The following GGCX variants were observed in gnomAD, a reference collection of about 807,000 sequenced individuals.
GGCX encodes the protein gamma-glutamyl carboxylase.
In GGCX, 63 loss-of-function variants were observed where a neutral mutation model predicts 88.5. The observed-to-expected ratio is 0.71, with a 90% CI of 0.58 to 0.88. The LOEUF (loss-of-function observed/expected upper bound fraction) is 0.88, where lower values mean the gene tolerates loss of function less well. GGCX is among the 40% of genes least tolerant of loss of function. The probability of loss-of-function intolerance (pLI) is 0.00; values close to 1 mark genes in which losing one functional copy is unlikely to be tolerated. For synonymous variants in GGCX, 368 were observed against 365.8 expected (o/e 1.01, Z -0.07); for missense variants, 805 against 932.9 (o/e 0.86, Z 1.79).
Position 85,549,843 on chromosome 2 carries a change from C to G in GGCX, c.*91G>C. On this transcript the variant is annotated 3_prime_UTR_variant, in exon 15 of 15. Transcript: ENST00000233838. Reference sequence around the variant, plus strand: ...CGCCCCCCCAAAAAAAAAAAAAAAACTTTTGAGAATTTTTTTCAAATAAAT... The same window carrying G: ...CGCCCCCCCAAAAAAAAAAAAAAAAGTTTTGAGAATTTTTTTCAAATAAAT... 14 of 371,524 alleles carry G rather than the reference C, an allele frequency of 3.8e-5. No homozygotes were observed. Among genetic ancestry groups the G allele is most frequent in the East Asian group, 7.9e-5 (1 of 12,646 alleles). 23.0% of individuals were successfully genotyped at this position (371,524 alleles called of 1,614,324 possible). A position where few individuals can be genotyped will look rare whatever the true frequency, so the allele number is the denominator to read the frequency against.
At position 85,545,987 on chromosome 2, in the gene GGCX, C is replaced by T. The variant is rs1691643587; in HGVS notation, c.*3947G>A. The T allele has an allele frequency of 6.6e-6, 1 of 152,196 alleles. No individual in the cohort carries two copies. The highest frequency in any genetic ancestry group is 1.5e-5 in the Non-Finnish European group (1 of 68,030). 9.4% of individuals were successfully genotyped at this position (152,196 alleles called of 1,614,324 possible). Reference sequence around the variant, plus strand: ...TCCGCAGACCACACTGCTCTTGAACCTAGGAGCTACATGCATAGAGAATAG... The same window carrying T: ...TCCGCAGACCACACTGCTCTTGAACTTAGGAGCTACATGCATAGAGAATAG... On this transcript the variant is annotated 3_prime_UTR_variant, in exon 15 of 15. Coordinates refer to ENST00000233838, the MANE Select transcript of GGCX (RefSeq NM_000821.7).
chr2:85,550,089 A>T lies in GGCX; in HGVS notation c.2122T>A (p.Leu708Ile), dbSNP rs754013695. ...AGCTGCTCCAGGGAAGGACGGCCTA[A>T]TATCAGATTTCGAAGTGAGATACAA... ...MTCISLRNLI[L>I]GRPSLEQLAQ... Residue 708 changes from leucine to isoleucine, a missense_variant, in exon 15 of 15, where the codon TTA (leucine) becomes ATA (isoleucine). By Grantham distance (5) the Leu-to-Ile change is conservative (BLOSUM62 2). This residue lies in a region of GGCX where 680 missense variants were observed against 763.7 expected (regional missense o/e 0.89). Coordinates refer to ENST00000233838, the MANE Select transcript of GGCX (RefSeq NM_000821.7). The T allele has an allele frequency of 6.2e-7, 1 of 1,613,920 alleles. No homozygotes were observed. Among genetic ancestry groups the T allele is most frequent in the Admixed American group, 1.7e-5 (1 of 60,014 alleles).
chr2:85,548,696 A>G lies in GGCX; in HGVS notation c.*1238T>C, dbSNP rs945145907. Reference sequence around the variant, plus strand: ...GCTCCCAAAGCAGGGATCCTTTTTCATAACCCTGCATTCTCGCTTCCTAGC... The same window carrying G: ...GCTCCCAAAGCAGGGATCCTTTTTCGTAACCCTGCATTCTCGCTTCCTAGC... On this transcript the variant is annotated 3_prime_UTR_variant, in exon 15 of 15. Transcript: ENST00000233838. 6.6e-6 allele frequency: 1 copy of G among 152,202 alleles called. No individual in the cohort carries two copies. Among genetic ancestry groups the G allele is most frequent in the African/African-American group, 2.4e-5 (1 of 41,454 alleles). The allele number at this position is 152,202 out of a possible 1,614,324, so 9.4% of individuals were successfully genotyped here.
intron 6 of GGCX, 27 bp from the exon 7 acceptor site, chr2:85,554,333 C>A: frequency 6.2e-7 from 1 of 1,610,078 alleles, no homozygotes; most frequent in Non-Finnish European, 8.5e-7. Context: ...AAAGTTCAAG[C>A]ACCAGCCCAC....
intron 10 of GGCX, 49 bp from the exon 11 acceptor site, chr2:85,552,030 C>T: frequency 7.4e-7 from 1 of 1,356,320 alleles, no homozygotes; most frequent in Non-Finnish European, 1.1e-6. Context: ...ACCCACCCAC[C>T]AGAACTTCCA....
At chr2:85,552,911 A>T in intron 9 of GGCX, 28 bp downstream of exon 9, 1 of 1,613,616 alleles carries the variant, frequency 6.2e-7, no homozygotes, top group East Asian at 2.2e-5. Context: ...TCTGAAGAAC[A>T]GTAAATTGTC....
At position 85,551,471 on chromosome 2, in the gene GGCX, G is replaced by A; in HGVS notation, c.1740+9C>T. On this transcript the variant is annotated intron_variant, in intron 12 of 14. Transcript: ENST00000233838. ...GTTCTTTCTGCTGTTGTTAATCCCA[G>A]CAAAATACCTGCATTTTTTCTCCCT... 1 of 1,613,764 alleles carries A rather than the reference G, an allele frequency of 6.2e-7. No individual in the cohort carries two copies. Among genetic ancestry groups the A allele is most frequent in the East Asian group, 2.2e-5 (1 of 44,884 alleles).
At position 85,553,393 on chromosome 2, in the gene GGCX, G is replaced by T. The variant is rs750270424; in HGVS notation, c.994C>A (p.Pro332Thr). Reference protein sequence around the residue: ...YCPRRLQQLLPLKAAPQPSVS... With the variant: ...YCPRRLQQLLTLKAAPQPSVS... The stretch of plus-strand genomic sequence containing the variant: ...CTGGGCTGAGGGGCTGCCTTGAGGG[G>T]CAACAGTTGTTGCAACCTTCGGGGG... Residue 332 changes from proline to threonine, a missense_variant, in exon 8 of 15, where the codon CCC (proline) becomes ACC (threonine). Physicochemically the swap from Pro to Thr is conservative, Grantham distance 38. This residue lies in a region of GGCX where 680 missense variants were observed against 763.7 expected (regional missense o/e 0.89). Transcript: ENST00000233838. The T allele has an allele frequency of 1.2e-5, 20 of 1,614,078 alleles. No homozygotes were observed. The East Asian group carries it at 4.5e-4, about 36-fold the overall frequency.
rs1392410946 is a variant in GGCX at position 85,553,385 on chromosome 2, C to T, written c.1002G>A (p.Lys334=). 13 of 1,614,200 alleles carry T rather than the reference C, an allele frequency of 8.1e-6. No homozygotes were observed. Among genetic ancestry groups the T allele is most frequent in the Non-Finnish European group, 1.0e-5 (12 of 1,180,022 alleles). Residue 334 remains lysine, a synonymous_variant, in exon 8 of 15, where the codon AAG becomes AAA. Transcript: ENST00000233838. ...AGGAAACACTGGGCTGAGGGGCTGCCTTGAGGGGCAACAGTTGTTGCAACC... is the reference window on the plus strand; with the variant it reads ...AGGAAACACTGGGCTGAGGGGCTGCTTTGAGGGGCAACAGTTGTTGCAACC... ...PRRLQQLLPL[K]AAPQPSVSCV...
rs1011392534 is a variant in GGCX, at chr2:85,559,096, T to C, written c.215-21A>G. ...GAACCCTAAGAAGGCAATAGGGGAG[T>C]TGGTCATTGGGCCTCAGCTAAGGAA... is the stretch of plus-strand genomic sequence containing the variant. On this transcript the variant is annotated intron_variant, in intron 2 of 14. Transcript: ENST00000233838. 5.0e-6 allele frequency: 8 copies of C among 1,610,410 alleles called. No individual in the cohort carries two copies. The Admixed American group carries it at 6.7e-5, about 13-fold the overall frequency.
Position 85,548,549 on chromosome 2 carries a change from G to A in GGCX, c.*1385C>T, listed in dbSNP as rs1295132635. The A allele has an allele frequency of 1.3e-5, 2 of 152,156 alleles. No individual in the cohort carries two copies. Among genetic ancestry groups the A allele is most frequent in the Non-Finnish European group, 2.9e-5 (2 of 68,040 alleles). 9.4% of individuals were successfully genotyped at this position (152,156 alleles called of 1,614,324 possible). ...AGCAGTTGCTTAGGAAAGAACCCCC[G>A]GAACACTGTCCAAGGAGGAGTGGGG... On this transcript the variant is annotated 3_prime_UTR_variant, in exon 15 of 15. Transcript: ENST00000233838.
intron 6 of GGCX, chr2:85,555,050 G>T (rs1443602067): frequency 5.9e-6 from 1 of 169,130 alleles, no homozygotes; most frequent in Non-Finnish European, 1.3e-5. Flanking sequence ...AAATCAGAAA[G>T]GTGACCCTTT....
rs1691778619 is a variant in GGCX, at chr2:85,548,511, T to C, written c.*1423A>G. ...GGAGTAGACACAATCATCTGAAGTA[T>C]GTATACTGAAAAAGCAGTTGCTTAG... On this transcript the variant is annotated 3_prime_UTR_variant, in exon 15 of 15. Transcript: ENST00000233838. The C allele has an allele frequency of 6.6e-6, 1 of 152,144 alleles. No homozygotes were observed. The highest frequency in any genetic ancestry group is 1.5e-5 in the Non-Finnish European group (1 of 68,034). The allele number at this position is 152,144 out of a possible 1,614,324, so 9.4% of individuals were successfully genotyped here. A position where few individuals can be genotyped will look rare whatever the true frequency, so the allele number is the denominator to read the frequency against.
At chr2:85,551,136 T>G (rs1425216232) in intron 12 of GGCX, 64 bp from the exon 13 acceptor site, 1 of 1,445,478 alleles carries the variant, frequency 6.9e-7, no homozygotes, top group Non-Finnish European at 9.7e-7. Context: ...ATGGCCTCCC[T>G]ACTCTATGAC....
At chr2:85,555,146 T>C in intron 6 of GGCX, 1 of 282,932 alleles carries the variant, frequency 3.5e-6, no homozygotes, top group South Asian at 3.9e-5. Context: ...AGGGCTCTGA[T>C]GGGAGGCTAG....
intron 10 of GGCX, 60 bp from the exon 11 acceptor site, chr2:85,552,041 G>T: frequency 8.0e-7 from 1 of 1,252,838 alleles, no homozygotes; most frequent in Non-Finnish European, 1.2e-6. Flanking sequence ...AGAACTTCCA[G>T]TTCTCTCCCT....
At chr2:85,552,698 G>A in intron 9 of GGCX, 131 bp from the exon 10 acceptor site, 1 of 1,056,756 alleles carries the variant, frequency 9.5e-7, no homozygotes. Context: ...ACTTGCCTTT[G>A]GGAATGAATT....
rs1351753980 is a variant in GGCX, at chr2:85,546,206, T to TGG, written c.*3726_*3727dup. The TGG allele has an allele frequency of 2.0e-5, 3 of 152,236 alleles. No individual in the cohort carries two copies. Among genetic ancestry groups the TGG allele is most frequent in the Non-Finnish European group, 2.9e-5 (2 of 68,076 alleles). The allele number at this position is 152,236 out of a possible 1,614,324, so 9.4% of individuals were successfully genotyped here. A position where few individuals can be genotyped will look rare whatever the true frequency, so the allele number is the denominator to read the frequency against. ...GCGTGAGCCTATAATCCTAGCACTT[T>TGG]GGGAGGCCAAGGCATGCAGATCACG... is the stretch of plus-strand genomic sequence containing the variant. On this transcript the variant is annotated 3_prime_UTR_variant, in exon 15 of 15. Coordinates refer to ENST00000233838, the MANE Select transcript of GGCX (RefSeq NM_000821.7).
In GGCX at chr2:85,555,606, G is replaced by A; in HGVS notation, c.619-16C>T. The A allele has an allele frequency of 7.4e-7, 1 of 1,356,008 alleles. No individual in the cohort carries two copies. Among genetic ancestry groups the A allele is most frequent in the African/African-American group, 1.4e-5 (1 of 70,246 alleles). The allele number at this position is 1,356,008 out of a possible 1,614,324, so 84.0% of individuals were successfully genotyped here. A position where few individuals can be genotyped will look rare whatever the true frequency, so the allele number is the denominator to read the frequency against. ...CAATGAAGATCTGAAAATAAAATGT[G>A]ACACAAAGTTCAAGCAAAAAGAATC... On this transcript the variant is annotated splice_polypyrimidine_tract_variant and intron_variant, in intron 5 of 14. Coordinates refer to ENST00000233838, the MANE Select transcript of GGCX (RefSeq NM_000821.7).
Sources: allele counts gnomAD v4.1 joint callset, GRCh38; gene constraint gnomAD v4.1.1; regional missense constraint gnomAD v4.1.1; transcripts MANE v1.5; gene names NCBI Gene and HGNC (gene_info 2026-07-23, HGNC 2026-07-21).